INPP5E: variants seen among roughly 807,000 people sequenced by gnomAD.
INPP5E encodes phosphatidylinositol polyphosphate 5-phosphatase type IV.
In INPP5E, 34 loss-of-function variants were observed where a neutral mutation model predicts 50.5. The observed-to-expected ratio is 0.67, with a 90% confidence interval of 0.51 to 0.90. The LOEUF (loss-of-function observed/expected upper bound fraction) is 0.90. Ranked by LOEUF, INPP5E falls within the 40% of genes least tolerant of loss-of-function variation. The probability of loss-of-function intolerance (pLI) is 0.00; values close to 1 mark genes in which losing one functional copy is unlikely to be tolerated. For synonymous variants in INPP5E, 447 were observed against 406.0 expected (o/e 1.10, Z -1.21); for missense variants, 942 against 905.5 (o/e 1.04, Z -0.52).
chr9:136,432,254 G>A (rs565921731), intron 6 of INPP5E, among the ~76,000 whole-genome samples: 5 of 152,308 alleles, frequency 3.3e-5, no homozygotes, highest in South Asian at 2.1e-4. Flanking sequence ...GGGCAGTGGC[G>A]AGGACCAGGA....
At chr9:136,432,076 G>C in intron 6 of INPP5E, 91 bp from the exon 7 acceptor site, 1 of 1,528,234 alleles carries the variant, frequency 6.5e-7, no homozygotes. Flanking sequence ...GGCTCTCAGG[G>C]GAAGTGGGTC....
At chr9:136,434,486 G>A (rs1033360743) in intron 2 of INPP5E, among the ~76,000 whole-genome samples, 7 of 151,772 alleles carry the variant, frequency 4.6e-5, no homozygotes, top group South Asian at 2.1e-4. Context: ...GGTGATTCTC[G>A]GCCAGGCCCG....
intron 3 of INPP5E, 92 bp downstream of exon 3, chr9:136,433,945 C>A: frequency 9.7e-7 from 1 of 1,027,278 alleles, no homozygotes; most frequent in South Asian, 1.4e-5. Context: ...CACTGCAGAC[C>A]CGTGCCCAGC....
Position 136,431,038 on chromosome 9 carries a change from G to T in INPP5E, c.1629C>A (p.Tyr543Ter), listed in dbSNP as rs753398503. 1 of 1,613,156 alleles carries T rather than the reference G, an allele frequency of 6.2e-7. No homozygotes were observed. Among genetic ancestry groups the T allele is most frequent in the Non-Finnish European group, 8.5e-7 (1 of 1,179,554 alleles). The change falls in exon 8 of 10, where the codon TAC (tyrosine) becomes TAA (stop). Residue 543 changes from tyrosine to a stop codon, truncating the protein, a stop_gained. Transcript: ENST00000371712. LOFTEE classifies it high-confidence loss of function. ...SYKFDIGKDT[Y>*]DSTSKQRTPS... ...GCGTCCTCTGCTTGGAGGTGCTGTC[G>T]TACGTGTCCTTCCCGATGTCAAACT...
chr9:136,429,545 G>T lies in INPP5E; in HGVS notation c.*130C>A. On this transcript the variant is annotated 3_prime_UTR_variant, in exon 10 of 10. Coordinates refer to ENST00000371712, the MANE Select transcript of INPP5E (RefSeq NM_019892.6). ...TCAGGGTTGGCTTCCTTCCTGGGAC[G>T]CTGGCACAGAGGCACGGTCGCCACA... The T allele has an allele frequency of 4.0e-6, 5 of 1,244,852 alleles. No individual in the cohort carries two copies. The highest frequency in any genetic ancestry group is 3.6e-5 in the South Asian group (3 of 83,558). 77.1% of individuals were successfully genotyped at this position (1,244,852 alleles called of 1,614,324 possible). A position where few individuals can be genotyped will look rare whatever the true frequency, so the allele number is the denominator to read the frequency against.
At chr9:136,438,481 G>A (rs192525072) in intron 1 of INPP5E, 127 bp downstream of exon 1, 52 of 858,158 alleles carry the variant, frequency 6.1e-5, no homozygotes, top group African/African-American at 3.0e-4. Flanking sequence ...GGCTGCGGGA[G>A]ACCCGCTTCG....
chr9:136,430,013 G>C (rs780279027), intron 9 of INPP5E, among the ~76,000 whole-genome samples: 1 of 152,206 alleles, frequency 6.6e-6, no homozygotes, highest in Non-Finnish European at 1.5e-5. Context: ...AGGACAGGGC[G>C]GATGCCTGAG....
At position 136,438,910 on chromosome 9, in the gene INPP5E, G is replaced by C. The variant is rs778210239; in HGVS notation, c.510C>G (p.Asn170Lys). 135 of 1,577,546 alleles carry C rather than the reference G, an allele frequency of 8.6e-5. No homozygotes were observed. Among genetic ancestry groups the C allele is most frequent in the Admixed American group, 2.6e-4 (14 of 53,608 alleles). The part of the protein sequence containing the change: ...PLSGVASSSP[N>K]LPHRDAAVAG... ...CCACGGCGGCGTCTCTGTGCGGGAG[G>C]TTCGGGGAGCTGCTGGCCACCCCAG... Residue 170 changes from asparagine (N) to lysine (K), a missense_variant, in exon 1 of 10, where the codon AAC (asparagine) becomes AAG (lysine). Asn to Lys is a moderately conservative substitution (Grantham distance 94). Transcript: ENST00000371712.
At position 136,438,752 on chromosome 9, in the gene INPP5E, G is replaced by A; in HGVS notation, c.668C>T (p.Ala223Val). 6.2e-7 allele frequency: 1 copy of A among 1,611,488 alleles called. No individual in the cohort carries two copies. The highest frequency in any genetic ancestry group is 1.1e-5 in the South Asian group (1 of 91,006). Reference sequence around the variant, plus strand: ...GTGGGCCCGCACCAGGAGCGGCTGCGCGCGGAGCTTGTAGTCTGCAAGATC... The same window carrying A: ...GTGGGCCCGCACCAGGAGCGGCTGCACGCGGAGCTTGTAGTCTGCAAGATC... ...DSDLADYKLR[A>V]QPLLVRAHSS... is the part of the protein sequence containing the mutation. The change falls in exon 1 of 10, where the codon GCG becomes GTG. Residue 223 changes from alanine to valine, a missense_variant. Transcript: ENST00000371712.
intron 7 of INPP5E, 90 bp from the exon 8 acceptor site, chr9:136,431,207 G>GCCCCCCCCCCCC: frequency 5.9e-6 from 4 of 683,480 alleles, no homozygotes; most frequent in Admixed American, 2.4e-5. Flanking sequence ...CTCCCACCAC[G>GCCCCCCCCCCCC]CCCACCCTCC....
chr9:136,429,345 A>C lies in INPP5E; in HGVS notation c.*330T>G. 1 of 435,230 alleles carries C rather than the reference A, an allele frequency of 2.3e-6. No individual in the cohort carries two copies. The highest frequency in any genetic ancestry group is 4.3e-6 in the Non-Finnish European group (1 of 232,408). 27.0% of individuals were successfully genotyped at this position (435,230 alleles called of 1,614,324 possible). A position where few individuals can be genotyped will look rare whatever the true frequency, so the allele number is the denominator to read the frequency against. On this transcript the variant is annotated 3_prime_UTR_variant, in exon 10 of 10. Transcript: ENST00000371712. ...GGGGCTCTGTGACTGCCCCCAGGGC[A>C]CAGGAGCTGCTCAGGAACGGATTCT...
At chr9:136,432,846 T>G in intron 5 of INPP5E, 110 bp downstream of exon 5, 1 of 1,401,674 alleles carries the variant, frequency 7.1e-7, no homozygotes, top group Non-Finnish European at 9.8e-7. Flanking sequence ...CCCACGGCCC[T>G]GGGTGGAAGA....
chr9:136,432,049 G>T, intron 6 of INPP5E, 64 bp from the exon 7 acceptor site: 2 of 1,599,396 alleles, frequency 1.3e-6, no homozygotes, highest in South Asian at 2.2e-5. Flanking sequence ...CCCTTCCCCA[G>T]AACATGGCCT....
chr9:136,428,935 G>A lies in INPP5E; in HGVS notation c.*740C>T, dbSNP rs1401509799. 2 of 151,636 alleles carry A rather than the reference G, an allele frequency of 1.3e-5. No homozygotes were observed. Among genetic ancestry groups the A allele is most frequent in the Non-Finnish European group, 2.9e-5 (2 of 68,386 alleles). 9.4% of individuals were successfully genotyped at this position (151,636 alleles called of 1,614,324 possible). ...GTCTACGTCACCAAGACCATGAGAC[G>A]GTTTCAAAAATGGTCTACGTCACCA... On this transcript the variant is annotated 3_prime_UTR_variant, in exon 10 of 10. Transcript: ENST00000371712.
chr9:136,433,980 G>A (rs570491916), intron 3 of INPP5E, 57 bp downstream of exon 3: 2 of 1,381,742 alleles, frequency 1.4e-6, no homozygotes, highest in Admixed American at 1.9e-5. Flanking sequence ...TCAGCACCCA[G>A]CTGCTTCAGA....
intron 9 of INPP5E, 37 bp downstream of exon 9, chr9:136,430,240 C>T: frequency 2.6e-6 from 4 of 1,550,582 alleles, no homozygotes; most frequent in Non-Finnish European, 2.6e-6. Context: ...GCACGACCCC[C>T]AGGCCCAAGG....
chr9:136,430,387 G>T lies in INPP5E; in HGVS notation c.1692C>A (p.His564Gln), dbSNP rs1306975739. 8 of 1,556,454 alleles carry T rather than the reference G, an allele frequency of 5.1e-6. No homozygotes were observed. The highest frequency in any genetic ancestry group is 7.0e-6 in the Non-Finnish European group (8 of 1,149,234). ...YTDRVLYRSR[H>Q]KGDICPVSYS... ...AGCTCACAGGACAGATGTCACCCTT[G>T]TGGCGGCTTCTGTACAAGACGCGGT... The change falls in exon 9 of 10, where the codon CAC (histidine) becomes CAA (glutamine). Residue 564 changes from histidine to glutamine, a missense_variant. By Grantham distance (24) the His-to-Gln change is conservative. Coordinates refer to ENST00000371712, the MANE Select transcript of INPP5E (RefSeq NM_019892.6).
chr9:136,433,147 G>GCCCACCCCTCCAGCCA lies in INPP5E; in HGVS notation c.1159+7_1159+8insTGGCTGGAGGGGTGGG, dbSNP rs1554793113. The stretch of plus-strand genomic sequence containing the variant: ...TCCAGCCGCGCCCACCCCTCCAGCC[G>GCCCACCCCTCCAGCCA]CGCCCACCTGAGCAGAACCAGATGA... On this transcript the variant is annotated splice_region_variant and intron_variant, in intron 4 of 9. Coordinates refer to ENST00000371712, the MANE Select transcript of INPP5E (RefSeq NM_019892.6). 1.1e-5 allele frequency: 17 copies of GCCCACCCCTCCAGCCA among 1,600,566 alleles called. No homozygotes were observed. The highest frequency in any genetic ancestry group is 1.6e-4 in the Middle Eastern group (1 of 6,074).
At chr9:136,432,692 G>A (rs1835737545) in intron 5 of INPP5E, 106 bp from the exon 6 acceptor site, 2 of 921,780 alleles carry the variant, frequency 2.2e-6, no homozygotes, top group Non-Finnish European at 1.7e-6. Flanking sequence ...CCCGGCAGAC[G>A]CAACCCCACC....
Sources: gnomAD v4.1 joint callset for allele counts (sites outside exome capture counted in the v4.1 genomes callset) on GRCh38, gnomAD v4.1.1 for gene constraint, MANE v1.5 for transcripts, NCBI Gene and HGNC (gene_info 2026-07-23, HGNC 2026-07-21) for gene names.